Variants in QRFPR observed in about 807,000 individuals in gnomAD.
The protein encoded by QRFPR is pyroglutamylated RF-amide peptide receptor.
A neutral mutation model predicts 31.3 loss-of-function variants in QRFPR; 37 were observed. The observed-to-expected ratio is 1.18, with a 90% CI of 0.91 to 1.56. QRFPR has a LOEUF of 1.56. Among genes scored for constraint, QRFPR ranks in the 40% most tolerant of loss-of-function variants. The probability of loss-of-function intolerance (pLI) is 0.00; values close to 1 mark genes in which losing one functional copy is unlikely to be tolerated. For synonymous variants in QRFPR, 197 were observed against 192.0 expected, an observed-to-expected ratio of 1.03 and a Z score of -0.22; for missense variants, 542 against 532.5, an observed-to-expected ratio of 1.02 and a Z score of -0.18.
intron 1 of QRFPR, among the ~76,000 whole-genome samples, chr4:121,346,639 G>A (rs1282062323): frequency 3.3e-5 from 5 of 152,138 alleles, no homozygotes; most frequent in Admixed American, 2.0e-4. Context: ...AAAACATTCC[G>A]TCTTTCACCG....
intron 1 of QRFPR, among the ~76,000 whole-genome samples, chr4:121,344,515 C>G (rs1725607589): frequency 6.6e-6 from 1 of 152,122 alleles, no homozygotes; most frequent in African/African-American, 2.4e-5. Context: ...TTTCCTTGAT[C>G]ACATTTCCCA....
chr4:121,336,110 G>A (rs116028765), intron 3 of QRFPR, among the ~76,000 whole-genome samples: 3,235 of 152,182 alleles, frequency 0.021, 46 homozygotes, highest in South Asian at 0.042. Context: ...AAGGTAGAAC[G>A]GGATAAATCA....
intron 2 of QRFPR, chr4:121,340,108 C>CAAAAAAAAAAAAAAA (rs58311512): frequency 7.8e-6 from 1 of 128,956 alleles, no homozygotes; most frequent in African/African-American, 4.0e-5. Flanking sequence ...CACTCTGTCT[C>CAAAAAAAAAAAAAAA]AAAAAAAAAA....
At chr4:121,341,202 G>A (rs1426747365) in intron 1 of QRFPR, among the ~76,000 whole-genome samples, 1 of 152,234 alleles carries the variant, frequency 6.6e-6, no homozygotes, top group East Asian at 1.9e-4. Context: ...TTACACAATA[G>A]TTTAAAATAT....
At chr4:121,371,242 A>C (rs1012221374) in intron 1 of QRFPR, among the ~76,000 whole-genome samples, 18 of 152,234 alleles carry the variant, frequency 1.2e-4, no homozygotes, top group Non-Finnish European at 2.5e-4. Context: ...GGTAGGACTA[A>C]TTTAGTTTTG....
chr4:121,332,253 G>T (rs1268835780), intron 4 of QRFPR, among the ~76,000 whole-genome samples: 1 of 152,096 alleles, frequency 6.6e-6, no homozygotes, highest in African/African-American at 2.4e-5. Context: ...AGTAAGTCAT[G>T]TTTTAAAATT....
intron 1 of QRFPR, among the ~76,000 whole-genome samples, chr4:121,351,153 T>C (rs1322461931): frequency 1.3e-5 from 2 of 152,204 alleles, no homozygotes; most frequent in African/African-American, 2.4e-5. Context: ...TTTCAGATTT[T>C]AGAATGGGAC....
chr4:121,363,230 G>A lies in QRFPR; in HGVS notation c.340+17078C>T, dbSNP rs982457487. Among the ~76,000 whole-genome samples, 30 of 150,084 alleles carry A rather than the reference G, an allele frequency of 2.0e-4. 3 individuals carry two copies. The highest frequency in any genetic ancestry group is 7.4e-5 in the Non-Finnish European group (5 of 67,604). On this transcript the variant is annotated intron_variant, in intron 1 of 5. Coordinates refer to ENST00000394427, the MANE Select transcript of QRFPR (RefSeq NM_198179.3). ...AATCACAACTACTCAGGAGGCTGAGGCAGGAGAATCACTTGAACCTGGGAG... is the reference window on the plus strand; with the variant it reads ...AATCACAACTACTCAGGAGGCTGAGACAGGAGAATCACTTGAACCTGGGAG...
Position 121,380,471 on chromosome 4 carries a change from C to A in QRFPR, c.177G>T (p.Ala59=). 6 of 1,614,232 alleles carry A rather than the reference C, an allele frequency of 3.7e-6. No individual in the cohort carries two copies. Among genetic ancestry groups the A allele is most frequent in the Non-Finnish European group, 3.4e-6 (4 of 1,180,034 alleles). Residue 59 remains alanine (A), a synonymous_variant, in exon 1 of 6, where the codon GCG becomes GCT. Transcript: ENST00000394427. ...VLTGVLIFAL[A]LFGNALVFYV... Reference sequence around the variant, plus strand: ...AGAACACCAGAGCATTGCCAAAGAGCGCCAGGGCGAAGATGAGCACGCCGG... The same window carrying A: ...AGAACACCAGAGCATTGCCAAAGAGAGCCAGGGCGAAGATGAGCACGCCGG...
chr4:121,355,907 T>C (rs114675337), intron 1 of QRFPR, among the ~76,000 whole-genome samples: 2,602 of 152,258 alleles, frequency 0.017, 65 homozygotes, highest in East Asian at 0.11. Flanking sequence ...TTTTATTCCA[T>C]GGTGGTCAGA....
chr4:121,364,818 G>A (rs1252499279), intron 1 of QRFPR, among the ~76,000 whole-genome samples: 4 of 149,724 alleles, frequency 2.7e-5, no homozygotes, highest in Non-Finnish European at 5.9e-5. Flanking sequence ...AAAGGGAAAG[G>A]TAGAGGATAT....
At chr4:121,355,853 G>A (rs2137698) in intron 1 of QRFPR, among the ~76,000 whole-genome samples, 28 of 151,972 alleles carry the variant, frequency 1.8e-4, no homozygotes, top group Admixed American at 1.6e-3. Flanking sequence ...TAATTTCCAC[G>A]TGTTTTTATA....
chr4:121,337,603 C>T (rs1008687671), intron 2 of QRFPR, among the ~76,000 whole-genome samples: 1 of 152,112 alleles, frequency 6.6e-6, no homozygotes, highest in Admixed American at 6.5e-5. Context: ...CACTCTCTGT[C>T]ACCTCTTTTT....
intron 1 of QRFPR, among the ~76,000 whole-genome samples, chr4:121,377,401 A>G (rs1393201960): frequency 9.6e-6 from 1 of 104,394 alleles, no homozygotes; most frequent in South Asian, 2.8e-4. Flanking sequence ...TTACATAACT[A>G]TATATATATA....
chr4:121,347,849 G>A (rs975980133), intron 1 of QRFPR, among the ~76,000 whole-genome samples: 4 of 151,968 alleles, frequency 2.6e-5, no homozygotes, highest in Admixed American at 6.6e-5. Flanking sequence ...TATTTACCAT[G>A]ACTAATATTA....
chr4:121,367,882 A>ATTTTT (rs33979199), intron 1 of QRFPR, among the ~76,000 whole-genome samples: 2 of 144,324 alleles, frequency 1.4e-5, no homozygotes, highest in African/African-American at 5.2e-5. Flanking sequence ...ACATTTGCAG[A>ATTTTT]TTTTTTTTTT....
rs545337361 is a variant in QRFPR, at chr4:121,329,584, AT to A, written c.1025del (p.Asn342MetfsTer10). ...TGCAATAACAAACTGCAGACAAAAC[AT>A]TTTTTTTGAAGTTTTCATTCATAAA... ...YAFMNENFKK[N>X]VLSAVCYCIV... On this transcript the variant is annotated frameshift_variant, in exon 6 of 6. Coordinates refer to ENST00000394427, the MANE Select transcript of QRFPR (RefSeq NM_198179.3). LOFTEE classifies it low-confidence loss of function (END_TRUNC). The A allele has an allele frequency of 4.1e-4, 658 of 1,610,262 alleles. 2 individuals carry two copies. The African/African-American group carries it at 7.0e-3, about 17-fold the overall frequency.
chr4:121,329,366 G>C lies in QRFPR; in HGVS notation c.1244C>G (p.Ala415Gly), dbSNP rs767174344. ...CTCAGCCAGTTCAGACCTAAAGAGA[G>C]CAAGATGTCGTTTGAGCTTTTTCTT... is the stretch of plus-strand genomic sequence containing the variant. Reference protein sequence around the residue: ...EEKKKLKRHLALFRSELAENS... With the variant: ...EEKKKLKRHLGLFRSELAENS... The change falls in exon 6 of 6, where the codon GCT becomes GGT. Residue 415 changes from alanine (A) to glycine (G), a missense_variant. Transcript: ENST00000394427. 3 of 1,614,120 alleles carry C rather than the reference G, an allele frequency of 1.9e-6. No individual in the cohort carries two copies. The highest frequency in any genetic ancestry group is 2.5e-6 in the Non-Finnish European group (3 of 1,179,974).
chr4:121,337,096 C>A (rs1469181011), intron 2 of QRFPR, among the ~76,000 whole-genome samples: 3 of 152,228 alleles, frequency 2.0e-5, no homozygotes, highest in African/African-American at 7.2e-5. Context: ...GTTTCACTGC[C>A]TACAAGATAA....
Sources: gnomAD v4.1 joint callset for allele counts (sites outside exome capture counted in the v4.1 genomes callset) on GRCh38, gnomAD v4.1.1 for gene constraint, MANE v1.5 for transcripts, NCBI Gene and HGNC (gene_info 2026-07-23, HGNC 2026-07-21) for gene names.